The following MCTP1 variants were observed in gnomAD, a reference collection of about 807,000 sequenced individuals.
The protein encoded by MCTP1 is multiple C2 and transmembrane domain containing 1.
Under a neutral mutation model 120.6 loss-of-function variants are expected in MCTP1, and 69 were observed. The observed-to-expected ratio is 0.57, with a 90% confidence interval of 0.47 to 0.70. MCTP1 has a LOEUF of 0.70. Among genes scored for constraint, MCTP1 ranks in the 30% least tolerant of loss-of-function variants. The probability of loss-of-function intolerance (pLI) is 0.00; values close to 1 mark genes in which losing one functional copy is unlikely to be tolerated. For synonymous variants in MCTP1, 529 were observed against 493.1 expected, an observed-to-expected ratio of 1.07 and a Z score of -0.96; for missense variants, 1,203 against 1,248.8, an observed-to-expected ratio of 0.96 and a Z score of 0.55.
At chr5:94,793,396 T>C in intron 18 of MCTP1, 1 of 152,204 alleles carries the variant, frequency 6.6e-6, no homozygotes, top group East Asian at 1.9e-4. Context: ...CCTCAGATTT[T>C]TTCAAGCTGA....
chr5:95,020,206 C>T (rs1431239654), intron 1 of MCTP1, among the ~76,000 whole-genome samples: 1 of 151,916 alleles, frequency 6.6e-6, no homozygotes, highest in Non-Finnish European at 1.5e-5. Flanking sequence ...GTCTTCATTG[C>T]TATGTTCAGT....
chr5:95,207,909 G>GA (rs1562237803), intron 1 of MCTP1, among the ~76,000 whole-genome samples: 2 of 128,484 alleles, frequency 1.6e-5, no homozygotes, highest in African/African-American at 3.0e-5. Flanking sequence ...AATCCAAAAT[G>GA]AAAAAAAGAA....
chr5:95,276,555 C>A (rs1759854744), intron 1 of MCTP1, among the ~76,000 whole-genome samples: 1 of 150,674 alleles, frequency 6.6e-6, no homozygotes, highest in Non-Finnish European at 1.5e-5. Context: ...CTGCGCCCAG[C>A]CAATATTGGG....
intron 11 of MCTP1, among the ~76,000 whole-genome samples, chr5:94,889,901 T>C (rs1312083522): frequency 6.6e-6 from 1 of 152,218 alleles, no homozygotes; most frequent in Non-Finnish European, 1.5e-5. Context: ...GGAATAGATA[T>C]GTCTGCTTCC....
chr5:95,122,108 C>G (rs749642629), intron 1 of MCTP1, among the ~76,000 whole-genome samples: 22 of 152,168 alleles, frequency 1.4e-4, no homozygotes, highest in South Asian at 8.3e-4. Context: ...TTGAGTAATA[C>G]CCCACAAGCT....
chr5:95,206,772 G>A (rs535521343), intron 1 of MCTP1, among the ~76,000 whole-genome samples: 5 of 152,192 alleles, frequency 3.3e-5, no homozygotes, highest in East Asian at 1.9e-4. Context: ...TCTTGAACTC[G>A]TGATCCACCC....
chr5:95,071,399 G>C (rs80157191), intron 1 of MCTP1, among the ~76,000 whole-genome samples: 1 of 152,038 alleles, frequency 6.6e-6, no homozygotes, highest in African/African-American at 2.4e-5. Flanking sequence ...TTCAAACAGC[G>C]GGGAAACAAA....
intron 19 of MCTP1, among the ~76,000 whole-genome samples, chr5:94,728,294 A>G (rs1230176395): frequency 6.6e-6 from 1 of 152,166 alleles, no homozygotes; most frequent in African/African-American, 2.4e-5. Flanking sequence ...TTAACAGGAT[A>G]AAACAGTCTT....
chr5:95,083,455 T>C (rs1470212325), intron 1 of MCTP1, among the ~76,000 whole-genome samples: 5 of 152,192 alleles, frequency 3.3e-5, no homozygotes. Flanking sequence ...ATAAAATCAA[T>C]GCATACTATG....
intron 11 of MCTP1, among the ~76,000 whole-genome samples, chr5:94,892,648 C>CT (rs1450873194): frequency 3.3e-5 from 5 of 152,070 alleles, no homozygotes; most frequent in African/African-American, 9.7e-5. Flanking sequence ...CAATGGAGGG[C>CT]TTTTTTTAGG....
At chr5:95,052,681 T>C (rs968068155) in intron 1 of MCTP1, among the ~76,000 whole-genome samples, 3 of 152,160 alleles carry the variant, frequency 2.0e-5, no homozygotes, top group African/African-American at 7.2e-5. Context: ...GTGGCCCTGG[T>C]TGGTAGGAGG....
chr5:95,174,145 T>C (rs148349768), intron 1 of MCTP1, among the ~76,000 whole-genome samples: 1 of 152,050 alleles, frequency 6.6e-6, no homozygotes, highest in Non-Finnish European at 1.5e-5. Flanking sequence ...GGGAGGGGCA[T>C]GATAACTATT....
rs547584993 is a variant in MCTP1 at position 94,730,368 on chromosome 5, A to G, written c.2611-15482T>C. Among the ~76,000 whole-genome samples, 3 of 152,270 alleles carry G rather than the reference A, an allele frequency of 2.0e-5. No individual in the cohort carries two copies. The South Asian group carries it at 6.2e-4, about 32-fold the overall frequency. ...GACATGGGGTCTTGCCATGTTGCCC[A>G]GGCTGGTCTCGAACTCAAGCAATCC... is the stretch of plus-strand genomic sequence containing the variant. On this transcript the variant is annotated intron_variant, in intron 19 of 22. Transcript: ENST00000515393.
At position 95,283,924 on chromosome 5, in the gene MCTP1, C is replaced by G; in HGVS notation, c.652G>C (p.Ala218Pro). ...EQLLEPPPPP[A>P]EPARSPAESR... is the part of the protein sequence containing the mutation. ...TCCGCGGGACTCCGCGCCGGCTCTG[C>G]GGGAGGAGGCGGCGGCTCCAGCAGC... Residue 218 changes from alanine (A) to proline (P), a missense_variant, in exon 1 of 23, where the codon GCA (alanine) becomes CCA (proline). Around this residue, in one of 2 missense-constraint regions of MCTP1, gnomAD observed 463 missense variants for 377.8 expected, o/e 1.23. Coordinates refer to ENST00000515393, the MANE Select transcript of MCTP1 (RefSeq NM_024717.7). 7.1e-7 allele frequency: 1 copy of G among 1,398,752 alleles called. No individual in the cohort carries two copies. Among genetic ancestry groups the G allele is most frequent in the Non-Finnish European group, 9.2e-7 (1 of 1,084,392 alleles). The allele number at this position is 1,398,752 out of a possible 1,614,324, so 86.6% of individuals were successfully genotyped here. A position where few individuals can be genotyped will look rare whatever the true frequency, so the allele number is the denominator to read the frequency against.
chr5:94,883,692 G>A (rs938087688), intron 12 of MCTP1, among the ~76,000 whole-genome samples: 5 of 152,086 alleles, frequency 3.3e-5, no homozygotes, highest in Non-Finnish European at 7.4e-5. Flanking sequence ...ATCAGACATC[G>A]TTGATTTTAT....
rs73776915 is a variant in MCTP1, at chr5:94,863,006, T to G, written c.2436+5327A>C. Among the ~76,000 whole-genome samples, 465 of 151,936 alleles carry G rather than the reference T, an allele frequency of 3.1e-3. 3 individuals carry two copies. Among genetic ancestry groups the G allele is most frequent in the African/African-American group, 0.011 (448 of 41,512 alleles). ...AAATCAGTGAAATTTTATATAGGTT[T>G]TCTTCTTCCCTTACTTGCACATTTG... On this transcript the variant is annotated intron_variant, in intron 17 of 22. Coordinates refer to ENST00000515393, the MANE Select transcript of MCTP1 (RefSeq NM_024717.7).
chr5:95,007,619 T>G (rs1012282573), intron 2 of MCTP1, among the ~76,000 whole-genome samples: 6 of 152,208 alleles, frequency 3.9e-5, no homozygotes, highest in Non-Finnish European at 8.8e-5. Context: ...ATGTTTCAGT[T>G]TTATCAAATT....
At chr5:94,954,634 C>T (rs1367478992) in intron 2 of MCTP1, among the ~76,000 whole-genome samples, 1 of 152,074 alleles carries the variant, frequency 6.6e-6, no homozygotes, top group South Asian at 2.1e-4. Context: ...TCTGATCTTC[C>T]TCTTGATATC....
chr5:94,751,397 A>C (rs1768266639), intron 19 of MCTP1, among the ~76,000 whole-genome samples: 1 of 151,400 alleles, frequency 6.6e-6, no homozygotes, highest in Admixed American at 6.6e-5. Context: ...GAGAAGGGGC[A>C]AGGTGGGGTG....
Sources: gnomAD v4.1 joint callset for allele counts (sites outside exome capture counted in the v4.1 genomes callset) on GRCh38, gnomAD v4.1.1 for gene constraint, gnomAD v4.1.1 regional missense constraint, MANE v1.5 for transcripts, NCBI Gene and HGNC (gene_info 2026-07-23, HGNC 2026-07-21) for gene names.